Variants in FARP1 observed in about 807,000 individuals in gnomAD.
The protein encoded by FARP1 is FERM, ARHGEF and pleckstrin domain-containing protein 1.
FARP1 carries 52 observed loss-of-function variants against 128.8 expected under a neutral mutation model. The ratio of observed to expected loss-of-function variants is 0.40; its 90% CI spans 0.32 to 0.51. FARP1 has a LOEUF of 0.51. FARP1 is among the 20% of genes least tolerant of loss of function. FARP1 has a pLI of 0.45. For synonymous variants in FARP1, 580 were observed against 551.8 expected (o/e 1.05, Z -0.72); for missense variants, 1,333 against 1,367.9 (o/e 0.97, Z 0.40).
At chr13:98,353,079 T>G (rs1566909696) in intron 3 of FARP1, among the ~76,000 whole-genome samples, 1 of 152,188 alleles carries the variant, frequency 6.6e-6, no homozygotes, top group Non-Finnish European at 1.5e-5. Context: ...CCATGAACTC[T>G]GAGTGAAAAC....
intron 2 of FARP1, among the ~76,000 whole-genome samples, chr13:98,332,037 C>T (rs1464331534): frequency 3.3e-5 from 5 of 152,106 alleles, no homozygotes; most frequent in South Asian, 2.1e-4. Context: ...TCAGTATTTT[C>T]GGATATGCTT....
At chr13:98,343,631 C>A in intron 2 of FARP1, 131 bp from the exon 3 acceptor site, 1 of 675,676 alleles carries the variant, frequency 1.5e-6, no homozygotes, top group Non-Finnish European at 2.7e-6. Flanking sequence ...CAGGGTGTCA[C>A]GGAGGTGGGC....
chr13:98,246,569 G>A (rs1594317593), intron 2 of FARP1, among the ~76,000 whole-genome samples: 1 of 152,234 alleles, frequency 6.6e-6, no homozygotes, highest in East Asian at 1.9e-4. Flanking sequence ...GTGTGCCTGT[G>A]TGTTTGTGAG....
At chr13:98,445,769 G>A in intron 24 of FARP1, 1 of 205,246 alleles carries the variant, frequency 4.9e-6, no homozygotes, top group South Asian at 7.8e-5. Context: ...CCCTACCCCA[G>A]TGTGATCTCG....
At chr13:98,414,673 G>A (rs1199924243) in intron 16 of FARP1, among the ~76,000 whole-genome samples, 2 of 152,202 alleles carry the variant, frequency 1.3e-5, no homozygotes, top group Non-Finnish European at 2.9e-5. Context: ...ATTCCAAAGT[G>A]TAGCCAAGGT....
chr13:98,194,492 C>T (rs909225833), intron 1 of FARP1, among the ~76,000 whole-genome samples: 3 of 152,208 alleles, frequency 2.0e-5, no homozygotes, highest in Admixed American at 2.0e-4. Context: ...GAACGCTAAG[C>T]ATGTGGAAGT....
chr13:98,289,315 A>T (rs1261709600), intron 2 of FARP1, among the ~76,000 whole-genome samples: 2 of 152,198 alleles, frequency 1.3e-5, no homozygotes, highest in Non-Finnish European at 1.5e-5. Flanking sequence ...ATTAAGCACA[A>T]CATAGGAAAT....
intron 1 of FARP1, among the ~76,000 whole-genome samples, chr13:98,163,030 A>T (rs1220235698): frequency 3.3e-5 from 5 of 152,220 alleles, no homozygotes; most frequent in Admixed American, 6.5e-5. Flanking sequence ...GTGAATGTTC[A>T]TTGCAGCACC....
intron 17 of FARP1, among the ~76,000 whole-genome samples, chr13:98,430,404 G>T (rs1344392686): frequency 6.6e-6 from 1 of 152,228 alleles, no homozygotes; most frequent in African/African-American, 2.4e-5. Flanking sequence ...CTGCCTGGAA[G>T]TGTCCTTGCC....
chr13:98,244,741 A>C (rs201422274), intron 2 of FARP1: 30 of 1,603,678 alleles, frequency 1.9e-5, no homozygotes, highest in Non-Finnish European at 2.5e-5. Context: ...TCATTATTTC[A>C]TTCAAAGAAA....
At chr13:98,395,778 G>C in intron 13 of FARP1, 4 of 408,704 alleles carry the variant, frequency 9.8e-6, no homozygotes. Context: ...CCTTTGATAT[G>C]AGCGGGAGCC....
At chr13:98,426,074 C>T (rs1891775115) in intron 17 of FARP1, among the ~76,000 whole-genome samples, 1 of 152,208 alleles carries the variant, frequency 6.6e-6, no homozygotes, top group African/African-American at 2.4e-5. Flanking sequence ...TCCATCCACC[C>T]AGTGCTAACT....
At chr13:98,275,929 A>C (rs1471281542) in intron 2 of FARP1, among the ~76,000 whole-genome samples, 8 of 152,174 alleles carry the variant, frequency 5.3e-5, no homozygotes, top group Non-Finnish European at 1.2e-4. Flanking sequence ...AGACTGGAAA[A>C]ATTATGATCT....
chr13:98,365,132 A>G (rs1889029902), intron 3 of FARP1, among the ~76,000 whole-genome samples: 1 of 152,250 alleles, frequency 6.6e-6, no homozygotes, highest in Admixed American at 6.5e-5. Context: ...ATAAATGAGA[A>G]TAGAAAACTT....
intron 2 of FARP1, among the ~76,000 whole-genome samples, chr13:98,305,118 A>ATTTT (rs10624948): frequency 9.7e-6 from 1 of 102,938 alleles, no homozygotes; most frequent in African/African-American, 3.3e-5. Context: ...ATATATATAT[A>ATTTT]TTTTTTAATT....
chr13:98,272,575 G>A (rs1169890259), intron 2 of FARP1, among the ~76,000 whole-genome samples: 1 of 152,178 alleles, frequency 6.6e-6, no homozygotes, highest in Non-Finnish European at 1.5e-5. Context: ...GATATGTGGG[G>A]AAAATGTCAC....
intron 2 of FARP1, among the ~76,000 whole-genome samples, chr13:98,281,143 C>T (rs1884917475): frequency 6.6e-6 from 1 of 152,150 alleles, no homozygotes; most frequent in South Asian, 2.1e-4. Context: ...ATCATGAGGT[C>T]AGGAGTTGGA....
intron 2 of FARP1, among the ~76,000 whole-genome samples, chr13:98,266,250 A>G (rs1332694194): frequency 1.3e-5 from 2 of 152,134 alleles, no homozygotes; most frequent in African/African-American, 4.8e-5. Context: ...ATTTCATCCC[A>G]TTCCTGTGTG....
chr13:98,413,700 T>C (rs1891273194), intron 16 of FARP1, among the ~76,000 whole-genome samples: 1 of 152,152 alleles, frequency 6.6e-6, no homozygotes, highest in African/African-American at 2.4e-5. Flanking sequence ...AACTTTACCT[T>C]CCCCAGGTTG....
Sources: gnomAD v4.1 joint callset for allele counts (sites outside exome capture counted in the v4.1 genomes callset) on GRCh38, gnomAD v4.1.1 for gene constraint, MANE v1.5 for transcripts, NCBI Gene and HGNC (gene_info 2026-07-23, HGNC 2026-07-21) for gene names.